The following RAD54L2 variants were observed in gnomAD, a reference collection of about 807,000 sequenced individuals.
RAD54L2 encodes helicase ARIP4.
RAD54L2 carries 27 observed loss-of-function variants against 138.4 expected under a neutral mutation model. The observed-to-expected ratio is 0.20, with a 90% CI of 0.14 to 0.27. The LOEUF (loss-of-function observed/expected upper bound fraction) is 0.27. RAD54L2 is among the 10% of genes least tolerant of loss of function. The probability of loss-of-function intolerance (pLI) is 1.00; values close to 1 mark genes in which losing one functional copy is unlikely to be tolerated. For missense variants in RAD54L2, 1,396 were observed against 1,890.2 expected (o/e 0.74, Z 4.85); for synonymous variants, 644 against 723.2 (o/e 0.89, Z 1.76).
chr3:51,652,103 A>C (rs1701454606), intron 19 of RAD54L2, among the ~76,000 whole-genome samples: 2 of 152,246 alleles, frequency 1.3e-5, no homozygotes, highest in Admixed American at 1.3e-4. Flanking sequence ...AGGGTACAAT[A>C]TCAGTGTGCA....
intron 2 of RAD54L2, among the ~76,000 whole-genome samples, chr3:51,554,643 G>A (rs907602383): frequency 4.6e-5 from 7 of 152,154 alleles, no homozygotes; most frequent in Admixed American, 1.3e-4. Flanking sequence ...TGGAAAATTT[G>A]CATCTGTAAA....
In RAD54L2 at chr3:51,656,755, A is replaced by T. The variant is rs562459426; in HGVS notation, c.3226+585A>T. 1.1e-3 allele frequency among the ~76,000 whole-genome samples: 165 copies of T among 146,994 alleles called. 1 individual carries two copies. Among genetic ancestry groups the T allele is most frequent in the Non-Finnish European group, 1.4e-3 (91 of 66,334 alleles). ...ATTTATAATATATAAATTGATTATTATTTTTTTTTTTGGAGACAGAGTCTT... is the reference window on the plus strand; with the variant it reads ...ATTTATAATATATAAATTGATTATTTTTTTTTTTTTTGGAGACAGAGTCTT... On this transcript the variant is annotated intron_variant, in intron 20 of 22. Transcript: ENST00000684192.
At chr3:51,563,245 A>T (rs1489647918) in intron 2 of RAD54L2, among the ~76,000 whole-genome samples, 1 of 152,222 alleles carries the variant, frequency 6.6e-6, no homozygotes, top group Non-Finnish European at 1.5e-5. Context: ...TGAGTAGGTA[A>T]GGGTCAGTTT....
intron 2 of RAD54L2, among the ~76,000 whole-genome samples, chr3:51,550,463 C>T (rs1369502043): frequency 6.6e-6 from 1 of 152,128 alleles, no homozygotes; most frequent in Non-Finnish European, 1.5e-5. Context: ...TATTAACTAC[C>T]ATTAAGAATT....
intron 2 of RAD54L2, among the ~76,000 whole-genome samples, chr3:51,549,841 G>A (rs1428777865): frequency 6.6e-6 from 1 of 150,882 alleles, no homozygotes; most frequent in Non-Finnish European, 1.5e-5. Flanking sequence ...GAGCTCTGCT[G>A]TCATTGTGCC....
chr3:51,646,524 A>G lies in RAD54L2; in HGVS notation c.3026+43A>G. The stretch of plus-strand genomic sequence containing the variant: ...GAGGGTCTGCTGCTGGGCCAGGCAC[A>G]AACACCTTTCAACTTGTTCATATTT... On this transcript the variant is annotated intron_variant, in intron 19 of 22. Transcript: ENST00000684192. The G allele has an allele frequency of 2.7e-6, 4 of 1,504,444 alleles. No individual in the cohort carries two copies. The South Asian group carries it at 4.9e-5, about 18-fold the overall frequency. The allele number at this position is 1,504,444 out of a possible 1,614,324, so 93.2% of individuals were successfully genotyped here. A position where few individuals can be genotyped will look rare whatever the true frequency, so the allele number is the denominator to read the frequency against.
At position 51,668,276 on chromosome 3, in the gene RAD54L2, G is replaced by A. The variant is rs1222756520; in HGVS notation, c.*4856G>A. ...AAGAGGGTCCAGGTGGGTTAAGGGG[G>A]GTCGCTATGGATAACCACTAAGACC... On this transcript the variant is annotated 3_prime_UTR_variant, in exon 23 of 23. Coordinates refer to ENST00000684192, the MANE Select transcript of RAD54L2 (RefSeq NM_015106.4). 2.0e-5 allele frequency: 3 copies of A among 152,228 alleles called. No individual in the cohort carries two copies. The highest frequency in any genetic ancestry group is 1.5e-5 in the Non-Finnish European group (1 of 68,074). 9.4% of individuals were successfully genotyped at this position (152,228 alleles called of 1,614,324 possible).
intron 10 of RAD54L2, chr3:51,636,942 A>G: frequency 1.8e-6 from 1 of 569,230 alleles, no homozygotes; most frequent in Non-Finnish European, 3.1e-6. Context: ...CAAAAAAGAA[A>G]AAAAAAGAGT....
intron 3 of RAD54L2, among the ~76,000 whole-genome samples, chr3:51,612,900 C>T (rs1700361502): frequency 6.6e-6 from 1 of 151,852 alleles, no homozygotes; most frequent in Non-Finnish European, 1.5e-5. Flanking sequence ...TTGATATTAC[C>T]CTGTCTGTAA....
At chr3:51,553,884 T>C (rs925844003) in intron 2 of RAD54L2, among the ~76,000 whole-genome samples, 3 of 152,154 alleles carry the variant, frequency 2.0e-5, no homozygotes, top group Non-Finnish European at 4.4e-5. Flanking sequence ...AAGTTCCTAA[T>C]AGCATTATGT....
rs923567725 is a variant in RAD54L2 at position 51,627,728 on chromosome 3, G to T, written c.315G>T (p.Lys105Asn). The T allele has an allele frequency of 6.2e-7, 1 of 1,613,846 alleles. No homozygotes were observed. The highest frequency in any genetic ancestry group is 1.3e-5 in the African/African-American group (1 of 74,938). Residue 105 changes from lysine to asparagine, a missense_variant, in exon 4 of 23, where the codon AAG becomes AAT. Lys to Asn is a moderately conservative substitution (Grantham distance 94). Around this residue, in one of 7 missense-constraint regions of RAD54L2, gnomAD observed 256 missense variants for 344.6 expected, o/e 0.74. Coordinates refer to ENST00000684192, the MANE Select transcript of RAD54L2 (RefSeq NM_015106.4). ...ACCCCAAAAAGAAGAGAGCTCAGAAGCCCTCCCACATGAGAAGAAACATAC... is the reference window on the plus strand; with the variant it reads ...ACCCCAAAAAGAAGAGAGCTCAGAATCCCTCCCACATGAGAAGAAACATAC... ...SEDPKKKRAQ[K>N]PSHMRRNIRK...
intron 2 of RAD54L2, among the ~76,000 whole-genome samples, chr3:51,589,939 C>T (rs1009379774): frequency 6.6e-6 from 1 of 152,090 alleles, no homozygotes; most frequent in South Asian, 2.1e-4. Context: ...GATTTGGATA[C>T]GGTTAGCTTG....
chr3:51,558,753 G>C (rs1449483393), intron 2 of RAD54L2, among the ~76,000 whole-genome samples: 1 of 152,006 alleles, frequency 6.6e-6, no homozygotes, highest in Non-Finnish European at 1.5e-5. Context: ...TTACAAGCAT[G>C]AGGCACCATG....
intron 15 of RAD54L2, among the ~76,000 whole-genome samples, chr3:51,642,262 A>G (rs1349338813): frequency 6.6e-6 from 1 of 152,058 alleles, no homozygotes; most frequent in East Asian, 1.9e-4. Flanking sequence ...CCAGGCTGAA[A>G]GATCAGAGTG....
intron 9 of RAD54L2, 122 bp from the exon 10 acceptor site, chr3:51,635,468 TAAG>T (rs1015507132): frequency 4.7e-6 from 5 of 1,062,802 alleles, no homozygotes; most frequent in South Asian, 1.9e-5. Flanking sequence ...TCTTTGGTAA[TAAG>T]AAGTTCTGAA....
chr3:51,660,141 T>C, intron 22 of RAD54L2, 23 bp downstream of exon 22: 1 of 1,564,622 alleles, frequency 6.4e-7, no homozygotes, highest in Non-Finnish European at 8.8e-7. Context: ...TTACTTTCCA[T>C]TTTACTTTTC....
intron 2 of RAD54L2, among the ~76,000 whole-genome samples, chr3:51,549,746 C>T (rs1442752420): frequency 6.7e-6 from 1 of 149,932 alleles, no homozygotes; most frequent in East Asian, 2.0e-4. Flanking sequence ...CCACTGCACT[C>T]CAGCCTGGGT....
chr3:51,594,315 C>T (rs1222476550), intron 3 of RAD54L2, among the ~76,000 whole-genome samples: 4 of 152,102 alleles, frequency 2.6e-5, no homozygotes, highest in African/African-American at 7.2e-5. Context: ...TCAGGTGATC[C>T]TCCTGCCTTG....
chr3:51,582,673 C>G (rs1461669774), intron 2 of RAD54L2, among the ~76,000 whole-genome samples: 1 of 151,540 alleles, frequency 6.6e-6, no homozygotes, highest in African/African-American at 2.4e-5. Flanking sequence ...CCTTCTAGAA[C>G]TTTGCCTCTG....
Sources: gnomAD v4.1 joint callset for allele counts (sites outside exome capture counted in the v4.1 genomes callset) on GRCh38, gnomAD v4.1.1 for gene constraint, gnomAD v4.1.1 regional missense constraint, MANE v1.5 for transcripts, NCBI Gene and HGNC (gene_info 2026-07-23, HGNC 2026-07-21) for gene names.